The following MAST4 variants were observed in gnomAD, a reference collection of about 807,000 sequenced individuals.
The protein encoded by MAST4 is microtubule-associated serine/threonine-protein kinase 4.
Under a neutral mutation model 162.7 loss-of-function variants are expected in MAST4, and 89 were observed. That is an observed-to-expected ratio of 0.55 (90% confidence interval 0.46 to 0.65). The LOEUF (loss-of-function observed/expected upper bound fraction) is 0.65. MAST4 is among the 30% of genes least tolerant of loss of function. The pLI, the probability that MAST4 is intolerant of heterozygous loss-of-function variation, is 0.00. For missense variants in MAST4, 3,153 were observed against 3,374.0 expected (o/e 0.93, Z 1.62); for synonymous variants, 1,479 against 1,361.1 (o/e 1.09, Z -1.91).
chr5:67,128,068 C>T (rs1208859323), intron 14 of MAST4, among the ~76,000 whole-genome samples: 1 of 151,970 alleles, frequency 6.6e-6, no homozygotes, highest in East Asian at 1.9e-4. Context: ...TCAACTTTTG[C>T]AAATCTTGTC....
chr5:66,917,223 T>C, intron 4 of MAST4: 1 of 506,210 alleles, frequency 2.0e-6, no homozygotes, highest in Non-Finnish European at 3.5e-6. Flanking sequence ...TTCATATGTT[T>C]ACTCTTCATT....
At chr5:66,621,616 TA>T (rs551935921) in intron 1 of MAST4, among the ~76,000 whole-genome samples, 10 of 152,272 alleles carry the variant, frequency 6.6e-5, no homozygotes, top group African/African-American at 2.4e-4. Flanking sequence ...TAAAAATGGT[TA>T]AAAAAAGTCA....
At chr5:66,811,729 C>T (rs1463175419) in intron 3 of MAST4, among the ~76,000 whole-genome samples, 20 of 152,094 alleles carry the variant, frequency 1.3e-4, no homozygotes, top group Admixed American at 1.3e-3. Flanking sequence ...GTAAAGGGAG[C>T]AAATGGGCAA....
chr5:66,649,152 T>C (rs938788906), intron 1 of MAST4, among the ~76,000 whole-genome samples: 4 of 152,162 alleles, frequency 2.6e-5, no homozygotes, highest in African/African-American at 9.7e-5. Context: ...GCCCTAACAG[T>C]GAATCAATCA....
At chr5:67,065,802 T>C (rs1760161134) in intron 5 of MAST4, among the ~76,000 whole-genome samples, 1 of 152,248 alleles carries the variant, frequency 6.6e-6, no homozygotes, top group Non-Finnish European at 1.5e-5. Flanking sequence ...TTTTAAAAAC[T>C]GACTACAGCA....
intron 4 of MAST4, among the ~76,000 whole-genome samples, chr5:66,920,356 G>T (rs1431090868): frequency 6.6e-6 from 1 of 152,070 alleles, no homozygotes; most frequent in Non-Finnish European, 1.5e-5. Context: ...ATATAATTAT[G>T]TGTATCTGTG....
At chr5:67,043,090 C>T (rs1250693916) in intron 4 of MAST4, among the ~76,000 whole-genome samples, 1 of 152,184 alleles carries the variant, frequency 6.6e-6, no homozygotes, top group East Asian at 1.9e-4. Flanking sequence ...AGTAAACCCC[C>T]TTCCCTTTTG....
At chr5:66,607,571 A>C (rs1201878783) in intron 1 of MAST4, among the ~76,000 whole-genome samples, 1 of 152,200 alleles carries the variant, frequency 6.6e-6, no homozygotes. Context: ...ACATGTTAAC[A>C]GTAATATTGG....
At chr5:67,147,672 A>G (rs1385477010) in intron 23 of MAST4, among the ~76,000 whole-genome samples, 3 of 152,240 alleles carry the variant, frequency 2.0e-5, no homozygotes, top group Non-Finnish European at 4.4e-5. Flanking sequence ...CAAATTACAA[A>G]GAAGGAAGTG....
rs1343849628 is a variant in MAST4, at chr5:67,142,137, G to A, written c.2517G>A (p.Gln839=). The A allele has an allele frequency of 6.2e-7, 1 of 1,613,928 alleles. No individual in the cohort carries two copies. Among genetic ancestry groups the A allele is most frequent in the Non-Finnish European group, 8.5e-7 (1 of 1,179,812 alleles). Residue 839 remains glutamine (Q), a synonymous_variant, in exon 20 of 29, where the codon CAG becomes CAA. Coordinates refer to ENST00000403625, the MANE Select transcript of MAST4 (RefSeq NM_001164664.2). ...LGTGGAYEVK[Q]HRFFRSLDWN... ...CAGGTGGTGCATATGAAGTCAAACAGCATCGATTCTTCCGTTCTTTAGACT... is the reference window on the plus strand; with the variant it reads ...CAGGTGGTGCATATGAAGTCAAACAACATCGATTCTTCCGTTCTTTAGACT...
intron 1 of MAST4, among the ~76,000 whole-genome samples, chr5:66,621,350 C>T (rs1298416027): frequency 2.6e-5 from 4 of 152,162 alleles, no homozygotes; most frequent in African/African-American, 9.7e-5. Context: ...TCTTTTGTCT[C>T]GCAGTGTGCT....
At chr5:67,072,155 C>T (rs1032281452) in intron 5 of MAST4, among the ~76,000 whole-genome samples, 1 of 152,090 alleles carries the variant, frequency 6.6e-6, no homozygotes, top group African/African-American at 2.4e-5. Flanking sequence ...AACCATCCAG[C>T]AAGGAATTAA....
intron 5 of MAST4, among the ~76,000 whole-genome samples, chr5:67,071,596 C>CTA (rs1761002505): frequency 6.6e-6 from 1 of 152,116 alleles, no homozygotes; most frequent in Non-Finnish European, 1.5e-5. Flanking sequence ...CCCGTCTCTA[C>CTA]TAAAGATACA....
At chr5:66,757,164 T>C (rs1166298388) in intron 1 of MAST4, among the ~76,000 whole-genome samples, 1 of 152,164 alleles carries the variant, frequency 6.6e-6, no homozygotes, top group East Asian at 1.9e-4. Flanking sequence ...TTCCCCAGAG[T>C]AATTAATTGT....
chr5:66,718,268 T>G (rs1230684974), intron 1 of MAST4, among the ~76,000 whole-genome samples: 2 of 152,092 alleles, frequency 1.3e-5, no homozygotes, highest in African/African-American at 2.4e-5. Flanking sequence ...TTTTTTTGTT[T>G]TTTTGTTTTC....
chr5:67,109,234 A>T (rs931381699), intron 10 of MAST4, among the ~76,000 whole-genome samples: 5 of 152,162 alleles, frequency 3.3e-5, no homozygotes, highest in African/African-American at 1.2e-4. Flanking sequence ...ACATTTATAT[A>T]CCCAGGTATA....
rs181609091 is a variant in MAST4, at chr5:66,781,818, G to A, written c.518-6852G>A. On this transcript the variant is annotated intron_variant, in intron 2 of 28. Transcript: ENST00000403625. ...ATATATATTGCACTTCAGGTGATAC[G>A]GAACTTTTTTAATGGAAGCTTTCAA... is the stretch of plus-strand genomic sequence containing the variant. 9.9e-5 allele frequency among the ~76,000 whole-genome samples: 15 copies of A among 152,204 alleles called. No individual in the cohort carries two copies. The East Asian group carries it at 1.5e-3, about 16-fold the overall frequency.
At position 66,596,961 on chromosome 5, in the gene MAST4, A is replaced by G; in HGVS notation, c.306A>G (p.Gly102=). 2.8e-6 allele frequency: 4 copies of G among 1,437,928 alleles called. No individual in the cohort carries two copies. Among genetic ancestry groups the G allele is most frequent in the Non-Finnish European group, 2.7e-6 (3 of 1,099,866 alleles). The allele number at this position is 1,437,928 out of a possible 1,614,324, so 89.1% of individuals were successfully genotyped here. A position where few individuals can be genotyped will look rare whatever the true frequency, so the allele number is the denominator to read the frequency against. The change falls in exon 1 of 29, where the codon GGA becomes GGG. Residue 102 remains glycine, a synonymous_variant. Coordinates refer to ENST00000403625, the MANE Select transcript of MAST4 (RefSeq NM_001164664.2). ...CGCTGCCGCCGCCGCTTCCCGGAGG[A>G]GCTGTGCCGCCCGCGCCCCGGGGCA... is the stretch of plus-strand genomic sequence containing the variant. ...VLALPPPLPG[G]AVPPAPRGSS... is the part of the protein sequence containing the mutation.
chr5:66,885,695 A>G (rs569120660), intron 3 of MAST4, among the ~76,000 whole-genome samples: 1 of 152,360 alleles, frequency 6.6e-6, no homozygotes, highest in African/African-American at 2.4e-5. Context: ...AGTATCAATA[A>G]TAAATTTAAG....
Sources: allele counts gnomAD v4.1 joint callset (sites outside exome capture counted in the v4.1 genomes callset), GRCh38; gene constraint gnomAD v4.1.1; transcripts MANE v1.5; gene names NCBI Gene and HGNC (gene_info 2026-07-23, HGNC 2026-07-21).